Variants in TTC39B observed in about 807,000 individuals in gnomAD.
TTC39B encodes the protein tetratricopeptide repeat protein 39B.
A neutral mutation model predicts 96.6 loss-of-function variants in TTC39B; 92 were observed. The ratio of observed to expected loss-of-function variants is 0.95; its 90% CI spans 0.80 to 1.13. The LOEUF is 1.13. Among genes scored for constraint, TTC39B ranks in the 50% most tolerant of loss-of-function variants. TTC39B has a pLI of 0.00. For missense variants in TTC39B, 955 were observed against 809.3 expected (o/e 1.18, Z -2.18); for synonymous variants, 367 against 299.4 (o/e 1.23, Z -2.33).
chr9:15,216,416 G>A (rs552729347), intron 3 of TTC39B, among the ~76,000 whole-genome samples: 7 of 152,302 alleles, frequency 4.6e-5, no homozygotes, highest in South Asian at 2.1e-4. Context: ...GAGTAGAACC[G>A]AGGCAAGCTC....
rs141124469 is a variant in TTC39B, at chr9:15,282,672, A to G, written c.241-14724T>C. 2.4e-3 allele frequency among the ~76,000 whole-genome samples: 370 copies of G among 152,326 alleles called. 1 individual carries two copies. The highest frequency in any genetic ancestry group is 8.3e-3 in the African/African-American group (345 of 41,570). On this transcript the variant is annotated intron_variant, in intron 1 of 19. Coordinates refer to ENST00000512701, the Ensembl canonical transcript of TTC39B. ...CAGACACTGCTCCACAAACTTTTAC[A>G]TATAACAACTGATTTGCTCTTCATA...
chr9:15,200,833 T>C (rs907580678), intron 7 of TTC39B, among the ~76,000 whole-genome samples: 2 of 152,172 alleles, frequency 1.3e-5, no homozygotes, highest in Non-Finnish European at 2.9e-5. Context: ...ACCCCGTCTC[T>C]ACTAAAAATT....
intron 2 of TTC39B, chr9:15,250,254 A>C: frequency 9.2e-7 from 1 of 1,092,834 alleles, no homozygotes; most frequent in African/African-American, 1.7e-5. Flanking sequence ...TTTTCCCCCA[A>C]TCTCTGCTGC....
chr9:15,220,591 G>T (rs905172347), intron 3 of TTC39B, among the ~76,000 whole-genome samples: 7 of 151,942 alleles, frequency 4.6e-5, no homozygotes, highest in African/African-American at 1.5e-4. Flanking sequence ...TGCAATAAAA[G>T]GAATGATATA....
intron 6 of TTC39B, 45 bp downstream of exon 6, chr9:15,210,043 A>G: frequency 7.5e-7 from 1 of 1,341,960 alleles, no homozygotes; most frequent in Non-Finnish European, 1.1e-6. Context: ...TGATCATTTA[A>G]CTATTAAAAT....
intron 2 of TTC39B, among the ~76,000 whole-genome samples, chr9:15,265,497 T>C (rs553545172): frequency 6.6e-6 from 1 of 152,338 alleles, no homozygotes; most frequent in African/African-American, 2.4e-5. Context: ...TCACCTACTA[T>C]AGCCCAAGCT....
intron 3 of TTC39B, among the ~76,000 whole-genome samples, chr9:15,217,208 C>A (rs1034492052): frequency 2.0e-5 from 3 of 152,104 alleles, no homozygotes; most frequent in Non-Finnish European, 2.9e-5. Flanking sequence ...GCTCTGAAAT[C>A]CTCACTCTTT....
At chr9:15,294,842 G>A (rs1351567544) in intron 1 of TTC39B, among the ~76,000 whole-genome samples, 2 of 152,118 alleles carry the variant, frequency 1.3e-5, no homozygotes, top group Non-Finnish European at 2.9e-5. Context: ...GCCAACTTCT[G>A]GGCCCCCCAC....
At chr9:15,223,878 C>A (rs1453276917) in intron 3 of TTC39B, among the ~76,000 whole-genome samples, 2 of 151,194 alleles carry the variant, frequency 1.3e-5, no homozygotes, top group African/African-American at 4.9e-5. Flanking sequence ...TATTTTGGAT[C>A]TTTGGATTAG....
At chr9:15,248,546 G>A (rs1305253511) in intron 2 of TTC39B, among the ~76,000 whole-genome samples, 1 of 152,094 alleles carries the variant, frequency 6.6e-6, no homozygotes, top group African/African-American at 2.4e-5. Context: ...ACAATATTTT[G>A]TTCAGCATCA....
chr9:15,187,657 A>T (rs1319096722), intron 14 of TTC39B, among the ~76,000 whole-genome samples: 1 of 152,188 alleles, frequency 6.6e-6, no homozygotes, highest in Non-Finnish European at 1.5e-5. Context: ...ATAAAATCAC[A>T]CCATGTTGCC....
chr9:15,259,664 T>C (rs1218663452), intron 2 of TTC39B, among the ~76,000 whole-genome samples: 2 of 152,180 alleles, frequency 1.3e-5, no homozygotes, highest in Non-Finnish European at 2.9e-5. Flanking sequence ...CTTAGGATGG[T>C]TCAACTTGCA....
chr9:15,212,706 C>T (rs1820278107), intron 4 of TTC39B, among the ~76,000 whole-genome samples: 1 of 152,172 alleles, frequency 6.6e-6, no homozygotes, highest in South Asian at 2.1e-4. Context: ...GGATTACAGG[C>T]GTGAGCCATT....
intron 2 of TTC39B, among the ~76,000 whole-genome samples, chr9:15,236,671 T>C (rs1821795383): frequency 6.6e-6 from 1 of 152,084 alleles, no homozygotes; most frequent in African/African-American, 2.4e-5. Flanking sequence ...CAAGAAGAAC[T>C]CTCAAAACTA....
At position 15,199,532 on chromosome 9, in the gene TTC39B, G is replaced by A. The variant is rs531211692; in HGVS notation, c.824+329C>T. 4.9e-3 allele frequency among the ~76,000 whole-genome samples: 740 copies of A among 151,454 alleles called. 9 individuals are homozygous for A. The highest frequency in any genetic ancestry group is 0.017 in the African/African-American group (694 of 41,332). On this transcript the variant is annotated intron_variant, in intron 8 of 19. Transcript: ENST00000512701. ...GGGCGGATCACGAGGTCAGGAGATC[G>A]AGACCATCCTGACTAACACAGTGAA...
Position 15,171,672 on chromosome 9 carries a change from T to TCCAAA in TTC39B, c.*346_*347insTTTGG, listed in dbSNP as rs1465969251. 1,300 of 154,904 alleles carry TCCAAA rather than the reference T, an allele frequency of 8.4e-3. 24 individuals carry two copies. Among genetic ancestry groups the TCCAAA allele is most frequent in the African/African-American group, 0.029 (1,226 of 41,662 alleles). 9.6% of individuals were successfully genotyped at this position (154,904 alleles called of 1,614,324 possible). On this transcript the variant is annotated 3_prime_UTR_variant, in exon 20 of 20. Transcript: ENST00000512701. ...TCCAAAATTGGCTCAACTTGTAAGC[T>TCCAAA]ATTTGCTAAACAATATTAATTTTCA...
intron 2 of TTC39B, among the ~76,000 whole-genome samples, chr9:15,239,900 ATC>A (rs960603772): frequency 5.9e-5 from 9 of 152,348 alleles, no homozygotes; most frequent in Admixed American, 5.9e-4. Flanking sequence ...GTACCTTCAA[ATC>A]TAAAACTTTA....
chr9:15,177,118 G>A (rs919750404), intron 18 of TTC39B, among the ~76,000 whole-genome samples: 1 of 152,190 alleles, frequency 6.6e-6, no homozygotes, highest in Non-Finnish European at 1.5e-5. Context: ...CTGGCATATA[G>A]TGGGTGCTCA....
At chr9:15,164,641 T>C (rs1817485599) in exon 20 of TTC39B, 1 of 152,178 alleles carries the variant, frequency 6.6e-6, no homozygotes, top group Non-Finnish European at 1.5e-5. Flanking sequence ...AATCAAAAAA[T>C]GCAAGTGTTC....
Sources: allele counts gnomAD v4.1 joint callset (sites outside exome capture counted in the v4.1 genomes callset), GRCh38; gene constraint gnomAD v4.1.1; transcripts MANE v1.5; gene names NCBI Gene and HGNC (gene_info 2026-07-23, HGNC 2026-07-21).